SSH2: variants seen among roughly 807,000 people sequenced by gnomAD.
SSH2 encodes protein phosphatase Slingshot homolog 2.
In SSH2, 37 loss-of-function variants were observed where a neutral mutation model predicts 135.2. That is an observed-to-expected ratio of 0.27 (90% confidence interval 0.21 to 0.36). The LOEUF (loss-of-function observed/expected upper bound fraction) is 0.36, where lower values mean the gene tolerates loss of function less well. Ranked by LOEUF, SSH2 falls within the 10% of genes least tolerant of loss-of-function variation. The pLI is 1.00. For missense variants in SSH2, 1,408 were observed against 1,765.3 expected, an observed-to-expected ratio of 0.80 and a Z score of 3.63; for synonymous variants, 628 against 646.2, an observed-to-expected ratio of 0.97 and a Z score of 0.43.
At chr17:29,761,241 G>T in intron 3 of SSH2, 1 of 1,289,656 alleles carries the variant, frequency 7.8e-7, no homozygotes, top group South Asian at 1.2e-5. Flanking sequence ...CAAGCGAGGG[G>T]CGCCTTCCTC....
intron 3 of SSH2, among the ~76,000 whole-genome samples, chr17:29,773,275 A>T (rs1389307057): frequency 6.6e-6 from 1 of 152,222 alleles, no homozygotes; most frequent in Non-Finnish European, 1.5e-5. Context: ...CTATCCATAG[A>T]AATAATATTA....
chr17:29,625,972 A>G lies in SSH2; in HGVS notation c.*4869T>C, dbSNP rs1300144524. On this transcript the variant is annotated 3_prime_UTR_variant, in exon 16 of 16. Coordinates refer to ENST00000540801, the MANE Select transcript of SSH2 (RefSeq NM_001282129.2). ...CAAAATAAAAATTTATTCAATCTGT[A>G]ACAAGAACATTGAATCTGCACATTT... 1 of 152,642 alleles carries G rather than the reference A, an allele frequency of 6.6e-6. No homozygotes were observed. Among genetic ancestry groups the G allele is most frequent in the East Asian group, 1.9e-4 (1 of 5,206 alleles). 9.5% of individuals were successfully genotyped at this position (152,642 alleles called of 1,614,324 possible).
chr17:29,911,678 A>G (rs1021868788), intron 1 of SSH2, among the ~76,000 whole-genome samples: 3 of 152,188 alleles, frequency 2.0e-5, no homozygotes, highest in African/African-American at 4.8e-5. Flanking sequence ...CTTACCCCCA[A>G]AAAACACTGC....
intron 3 of SSH2, among the ~76,000 whole-genome samples, chr17:29,755,543 C>G (rs191992501): frequency 1.4e-3 from 217 of 152,096 alleles, no homozygotes; most frequent in African/African-American, 5.1e-3. Flanking sequence ...GTAATAAGAG[C>G]CTATGAAATT....
chr17:29,900,443 AC>A (rs1187648890), intron 1 of SSH2, among the ~76,000 whole-genome samples: 1 of 152,224 alleles, frequency 6.6e-6, no homozygotes, highest in African/African-American at 2.4e-5. Flanking sequence ...CAAGAAAAAA[AC>A]AACCCCATCA....
In SSH2 at chr17:29,677,951, A is replaced by G. The variant is rs532829910; in HGVS notation, c.480-210T>C. 4.6e-5 allele frequency among the ~76,000 whole-genome samples: 7 copies of G among 152,344 alleles called. No homozygotes were observed. The East Asian group carries it at 9.6e-4, about 21-fold the overall frequency. On this transcript the variant is annotated intron_variant, in intron 6 of 15. Coordinates refer to ENST00000540801, the MANE Select transcript of SSH2 (RefSeq NM_001282129.2). ...GAGATAGTCAGTCAGTTCCTTAAATATTTAATGAAGAAAACTTACTGACTC... is the reference window on the plus strand; with the variant it reads ...GAGATAGTCAGTCAGTTCCTTAAATGTTTAATGAAGAAAACTTACTGACTC...
At chr17:29,707,969 G>A (rs2039274387) in intron 3 of SSH2, among the ~76,000 whole-genome samples, 1 of 152,004 alleles carries the variant, frequency 6.6e-6, no homozygotes, top group African/African-American at 2.4e-5. Context: ...GTGACATTCT[G>A]TTGGTCACAA....
At chr17:29,695,361 T>C (rs1254720878) in intron 5 of SSH2, 98 bp downstream of exon 5, 25 of 825,396 alleles carry the variant, frequency 3.0e-5, no homozygotes, top group Non-Finnish European at 4.4e-5. Flanking sequence ...CTTCACATAG[T>C]TCCCAGCACT....
intron 3 of SSH2, among the ~76,000 whole-genome samples, chr17:29,768,612 T>A (rs2041501447): frequency 6.6e-6 from 1 of 152,180 alleles, no homozygotes; most frequent in Admixed American, 6.5e-5. Context: ...ATAATACAAT[T>A]TTAAATTCAG....
chr17:29,733,789 A>G (rs1425170164), intron 3 of SSH2, among the ~76,000 whole-genome samples: 2 of 152,200 alleles, frequency 1.3e-5, no homozygotes. Context: ...TAAAAACACT[A>G]TTTAATGAAA....
chr17:29,750,438 C>A (rs1489586538), intron 3 of SSH2, among the ~76,000 whole-genome samples: 784 of 122,518 alleles, frequency 6.4e-3, no homozygotes, highest in African/African-American at 6.5e-3. Flanking sequence ...GACTCTGTCT[C>A]AAAAAAAAAA....
chr17:29,644,558 C>T (rs2036296081), intron 14 of SSH2, among the ~76,000 whole-genome samples: 1 of 152,186 alleles, frequency 6.6e-6, no homozygotes, highest in South Asian at 2.1e-4. Flanking sequence ...CCTGTAATCC[C>T]AGCACTTTGG....
In SSH2 at chr17:29,876,364, G is replaced by A. The variant is rs530193684; in HGVS notation, c.64-27435C>T. ...CACATCTATAGTGAACTCATTTTTG[G>A]GAAAGGTGTCAAGAACAAAATTGGA... On this transcript the variant is annotated intron_variant, in intron 1 of 15. Transcript: ENST00000540801. Among the ~76,000 whole-genome samples, 6 of 152,208 alleles carry A rather than the reference G, an allele frequency of 3.9e-5. No homozygotes were observed. The South Asian group carries it at 1.2e-3, about 32-fold the overall frequency.
intron 6 of SSH2, 56 bp downstream of exon 6, chr17:29,684,507 A>G: frequency 6.7e-7 from 1 of 1,485,346 alleles, no homozygotes; most frequent in Non-Finnish European, 9.1e-7. Flanking sequence ...AAAAAAAGCA[A>G]CTGGAACAGG....
intron 6 of SSH2, among the ~76,000 whole-genome samples, chr17:29,680,577 AAAAG>A (rs1479760141): frequency 6.7e-6 from 1 of 148,628 alleles, no homozygotes; most frequent in African/African-American, 2.5e-5. Context: ...AAAAAAAAAA[AAAAG>A]AGTGATTCCA....
chr17:29,640,148 G>A (rs1463757805), intron 14 of SSH2, among the ~76,000 whole-genome samples: 1 of 150,166 alleles, frequency 6.7e-6, no homozygotes, highest in Non-Finnish European at 1.5e-5. Context: ...GCGCGATCTC[G>A]GCTCACTGCA....
intron 8 of SSH2, chr17:29,674,167 A>G (rs1333388364): frequency 5.5e-5 from 25 of 456,490 alleles, no homozygotes; most frequent in Non-Finnish European, 1.0e-4. Context: ...ACCCTATACA[A>G]TGTAAATTAA....
intron 8 of SSH2, among the ~76,000 whole-genome samples, chr17:29,673,403 C>G (rs1026111793): frequency 6.6e-6 from 1 of 152,060 alleles, no homozygotes; most frequent in South Asian, 2.1e-4. Context: ...AACCCCATCT[C>G]TACTAAAAAT....
At chr17:29,837,869 G>C (rs1472044348) in intron 2 of SSH2, among the ~76,000 whole-genome samples, 2 of 152,256 alleles carry the variant, frequency 1.3e-5, no homozygotes, top group African/African-American at 4.8e-5. Flanking sequence ...GGGAAAAGCA[G>C]AAGCCCTGCC....
Sources: allele counts gnomAD v4.1 joint callset (sites outside exome capture counted in the v4.1 genomes callset), GRCh38; gene constraint gnomAD v4.1.1; transcripts MANE v1.5; gene names NCBI Gene and HGNC (gene_info 2026-07-23, HGNC 2026-07-21).